The following PACRG variants were observed in gnomAD, a reference collection of about 807,000 sequenced individuals.
PACRG encodes parkin coregulated, also known as parkin coregulated gene protein.
Under a neutral mutation model 29.7 loss-of-function variants are expected in PACRG, and 29 were observed. The ratio of observed to expected loss-of-function variants is 0.98; its 90% CI spans 0.73 to 1.33. The LOEUF is 1.33. PACRG is among the 40% of genes most tolerant of loss of function. The pLI is 0.00. For missense variants in PACRG, 279 were observed against 316.2 expected, an observed-to-expected ratio of 0.88 and a Z score of 0.89; for synonymous variants, 116 against 118.7, an observed-to-expected ratio of 0.98 and a Z score of 0.15.
rs73786995 is a variant in PACRG at position 163,140,484 on chromosome 6, T to A, written c.613+51076T>A. ...AAATAAAATAAAAATCTGCTGCCAA[T>A]GCCATCTGCTGCTGGACTGGAGGCT... On this transcript the variant is annotated intron_variant, in intron 4 of 4. Transcript: ENST00000366888. Among the ~76,000 whole-genome samples, 582 of 152,260 alleles carry A rather than the reference T, an allele frequency of 3.8e-3. 3 individuals are homozygous for A. The highest frequency in any genetic ancestry group is 0.013 in the African/African-American group (556 of 41,548).
intron 2 of PACRG, among the ~76,000 whole-genome samples, chr6:163,043,566 T>A (rs1330969311): frequency 6.6e-6 from 1 of 151,780 alleles, no homozygotes; most frequent in Non-Finnish European, 1.5e-5. Flanking sequence ...AAAAAAATCA[T>A]CAGTTCGAGA....
chr6:162,767,810 ATTCTT>A (rs1188264267), intron 1 of PACRG, among the ~76,000 whole-genome samples: 3 of 151,840 alleles, frequency 2.0e-5, no homozygotes, highest in African/African-American at 7.2e-5. Context: ...TGCTATTTCT[ATTCTT>A]TTAGCCATTA....
Position 163,314,974 on chromosome 6 carries a change from G to C in PACRG, c.761G>C (p.Cys254Ser). The C allele has an allele frequency of 6.2e-7, 1 of 1,613,510 alleles. No individual in the cohort carries two copies. Among genetic ancestry groups the C allele is most frequent in the Non-Finnish European group, 8.5e-7 (1 of 1,179,748 alleles). ...IKYVVPTYES[C>S]LLN Reference sequence around the variant, plus strand: ...TACGTGGTCCCAACCTACGAGTCTTGCTTGCTAAACTAACAGTGGCAGCAG... The same window carrying C: ...TACGTGGTCCCAACCTACGAGTCTTCCTTGCTAAACTAACAGTGGCAGCAG... The change falls in exon 5 of 5, where the codon TGC becomes TCC. Residue 254 changes from cysteine to serine, a missense_variant. Coordinates refer to ENST00000366888, the MANE Select transcript of PACRG (RefSeq NM_001080379.2).
intron 2 of PACRG, among the ~76,000 whole-genome samples, chr6:163,003,386 C>A (rs530084057): frequency 6.6e-6 from 1 of 152,060 alleles, no homozygotes; most frequent in East Asian, 1.9e-4. Context: ...GAATGTTAAA[C>A]CCTTGCTTTA....
At chr6:162,805,176 A>G (rs2128345885) in intron 1 of PACRG, among the ~76,000 whole-genome samples, 1 of 152,320 alleles carries the variant, frequency 6.6e-6, no homozygotes, top group South Asian at 2.1e-4. Context: ...ACATGACTAT[A>G]TATAAAGGGC....
chr6:163,202,978 A>G (rs1780767813), intron 4 of PACRG, among the ~76,000 whole-genome samples: 1 of 152,150 alleles, frequency 6.6e-6, no homozygotes, highest in Non-Finnish European at 1.5e-5. Context: ...GGAGCCACAA[A>G]GTCGGAAGGG....
chr6:163,263,204 G>A (rs1783401181), intron 4 of PACRG, among the ~76,000 whole-genome samples: 1 of 150,646 alleles, frequency 6.6e-6, no homozygotes, highest in South Asian at 2.1e-4. Context: ...GCGTCGTCAT[G>A]CCAAGGGGCT....
At chr6:163,043,157 T>C (rs1210848019) in intron 2 of PACRG, 1 of 152,226 alleles carries the variant, frequency 6.6e-6, no homozygotes, top group Non-Finnish European at 1.5e-5. Flanking sequence ...GAATGACTTC[T>C]GTTCTTCAAT....
At chr6:163,179,253 G>A (rs780542667) in intron 4 of PACRG, 7 of 455,998 alleles carry the variant, frequency 1.5e-5, no homozygotes, top group South Asian at 1.1e-4. Flanking sequence ...CAACAAGCGA[G>A]ACAGAAAGGA....
At chr6:163,017,592 G>C (rs1267135694) in intron 2 of PACRG, among the ~76,000 whole-genome samples, 2 of 152,022 alleles carry the variant, frequency 1.3e-5, no homozygotes, top group African/African-American at 4.8e-5. Flanking sequence ...AGTATAAAAA[G>C]TGAATGCAGA....
chr6:162,730,482 A>G (rs1488374977), intron 1 of PACRG, among the ~76,000 whole-genome samples: 1 of 152,100 alleles, frequency 6.6e-6, no homozygotes, highest in Non-Finnish European at 1.5e-5. Context: ...TCCACCTAAA[A>G]CATGAAGAAC....
intron 2 of PACRG, among the ~76,000 whole-genome samples, chr6:163,061,415 T>C (rs1430360893): frequency 6.6e-6 from 1 of 152,222 alleles, no homozygotes; most frequent in African/African-American, 2.4e-5. Flanking sequence ...TGCTGGATGC[T>C]ACTGCCAAGG....
intron 4 of PACRG, among the ~76,000 whole-genome samples, chr6:163,249,247 A>G (rs934752167): frequency 3.3e-5 from 5 of 152,222 alleles, no homozygotes; most frequent in Non-Finnish European, 7.3e-5. Context: ...CTCAAACTCA[A>G]ATTTCTCACT....
chr6:162,951,640 G>A (rs1386201831), intron 2 of PACRG, among the ~76,000 whole-genome samples: 1 of 152,194 alleles, frequency 6.6e-6, no homozygotes, highest in African/African-American at 2.4e-5. Flanking sequence ...TTTACTTTGA[G>A]CACCTCAGTT....
At chr6:163,287,467 C>T (rs544058590) in intron 4 of PACRG, among the ~76,000 whole-genome samples, 1 of 152,336 alleles carries the variant, frequency 6.6e-6, no homozygotes, top group Non-Finnish European at 1.5e-5. Context: ...ATGCTCACCT[C>T]CTCCTGCGGA....
intron 3 of PACRG, among the ~76,000 whole-genome samples, chr6:163,077,060 G>A (rs919003024): frequency 5.9e-5 from 9 of 152,340 alleles, no homozygotes; most frequent in Middle Eastern, 6.8e-3. Flanking sequence ...TCAAAAGCAT[G>A]AAGTGGCCAT....
At chr6:162,801,331 A>G (rs917275137) in intron 1 of PACRG, among the ~76,000 whole-genome samples, 10 of 151,718 alleles carry the variant, frequency 6.6e-5, no homozygotes, top group Admixed American at 5.9e-4. Flanking sequence ...CTGGTCTCAA[A>G]CTCCTGACCT....
chr6:162,786,467 T>C (rs1263166711), intron 1 of PACRG, among the ~76,000 whole-genome samples: 3 of 152,242 alleles, frequency 2.0e-5, no homozygotes, highest in African/African-American at 7.2e-5. Context: ...AATTAATGTA[T>C]GCTATTCGTG....
intron 4 of PACRG, among the ~76,000 whole-genome samples, chr6:163,233,195 TC>T: frequency 6.6e-6 from 1 of 152,378 alleles, no homozygotes; most frequent in East Asian, 1.9e-4. Flanking sequence ...TTTGTATTTT[TC>T]TCACCTACTT....
Sources: gnomAD v4.1 joint callset for allele counts (sites outside exome capture counted in the v4.1 genomes callset) on GRCh38, gnomAD v4.1.1 for gene constraint, MANE v1.5 for transcripts, NCBI Gene and HGNC (gene_info 2026-07-23, HGNC 2026-07-21) for gene names.